Variants in TSPAN18 observed in about 807,000 individuals in gnomAD.
TSPAN18 encodes the protein tetraspanin-18.
In TSPAN18, 14 loss-of-function variants were observed where a neutral mutation model predicts 27.3. That is an observed-to-expected ratio of 0.51 (90% CI 0.34 to 0.80). The LOEUF (loss-of-function observed/expected upper bound fraction) is 0.80, where lower values mean the gene tolerates loss of function less well. Ranked by LOEUF, TSPAN18 falls within the 30% of genes least tolerant of loss-of-function variation. The pLI, the probability that TSPAN18 is intolerant of heterozygous loss-of-function variation, is 0.01. For missense variants in TSPAN18, 268 were observed against 323.9 expected (o/e 0.83, Z 1.32); for synonymous variants, 143 against 136.5 (o/e 1.05, Z -0.33).
At chr11:44,839,846 G>C (rs1446999533) in intron 2 of TSPAN18, among the ~76,000 whole-genome samples, 3 of 152,128 alleles carry the variant, frequency 2.0e-5, no homozygotes, top group Non-Finnish European at 4.4e-5. Context: ...AGCGTGACTT[G>C]TTGATTCCCC....
At chr11:44,830,628 C>G (rs958376381) in intron 2 of TSPAN18, among the ~76,000 whole-genome samples, 1 of 152,182 alleles carries the variant, frequency 6.6e-6, no homozygotes. Context: ...GCAAAGGGGG[C>G]TTAGGGCAGG....
chr11:44,926,197 G>A (rs1426227396), intron 8 of TSPAN18, among the ~76,000 whole-genome samples: 1 of 152,174 alleles, frequency 6.6e-6, no homozygotes, highest in Non-Finnish European at 1.5e-5. Context: ...ACGAGGAACA[G>A]TAGAGCGAGT....
intron 3 of TSPAN18, among the ~76,000 whole-genome samples, chr11:44,901,721 ACT>A (rs1859269105): frequency 6.6e-6 from 1 of 152,034 alleles, no homozygotes; most frequent in African/African-American, 2.4e-5. Flanking sequence ...CTTGTGCCCA[ACT>A]CTCTGCTTGA....
At chr11:44,783,552 C>G (rs1037256778) in intron 2 of TSPAN18, among the ~76,000 whole-genome samples, 1 of 152,066 alleles carries the variant, frequency 6.6e-6, no homozygotes, top group African/African-American at 2.4e-5. Flanking sequence ...ACACGTACCA[C>G]CACGCCCGGC....
chr11:44,795,568 C>T (rs188276791), intron 2 of TSPAN18, among the ~76,000 whole-genome samples: 210 of 152,232 alleles, frequency 1.4e-3, no homozygotes, highest in African/African-American at 4.7e-3. Context: ...CAGCCTGACA[C>T]ACAGGTGTGA....
intron 1 of TSPAN18, among the ~76,000 whole-genome samples, chr11:44,753,633 G>T (rs757370902): frequency 1.4e-4 from 21 of 152,204 alleles, no homozygotes; most frequent in Non-Finnish European, 2.5e-4. Flanking sequence ...GATTTGCTGA[G>T]CTGAACTGGC....
chr11:44,785,292 T>G (rs146730927), intron 2 of TSPAN18, among the ~76,000 whole-genome samples: 1 of 152,296 alleles, frequency 6.6e-6, no homozygotes, highest in Admixed American at 6.5e-5. Flanking sequence ...AGATTTTCCA[T>G]GTATTCCCTC....
intron 1 of TSPAN18, among the ~76,000 whole-genome samples, chr11:44,734,911 T>A (rs1371768292): frequency 1.3e-5 from 2 of 152,194 alleles, no homozygotes; most frequent in Non-Finnish European, 2.9e-5. Flanking sequence ...CCAGGGAACT[T>A]GCTCATTGGT....
intron 3 of TSPAN18, among the ~76,000 whole-genome samples, chr11:44,888,505 AACAGTCCCGATC>A (rs1858735360): frequency 6.6e-6 from 1 of 152,124 alleles, no homozygotes; most frequent in African/African-American, 2.4e-5. Flanking sequence ...AAGTGGGAGA[AACAGTCCCGATC>A]ACCAAAGGGT....
intron 5 of TSPAN18, among the ~76,000 whole-genome samples, chr11:44,910,755 T>C (rs1467026789): frequency 6.6e-6 from 1 of 152,146 alleles, no homozygotes; most frequent in Non-Finnish European, 1.5e-5. Context: ...TGAAGATATG[T>C]CGGGGACCAG....
intron 4 of TSPAN18, 70 bp from the exon 5 acceptor site, chr11:44,909,635 G>A (rs1298049357): frequency 6.6e-7 from 1 of 1,510,484 alleles, no homozygotes. Flanking sequence ...TCAGGGGAGT[G>A]GTGGGTCAGA....
chr11:44,905,152 T>C lies in TSPAN18; in HGVS notation c.-10-1255T>C, dbSNP rs78502463. Among the ~76,000 whole-genome samples, 734 of 152,328 alleles carry C rather than the reference T, an allele frequency of 4.8e-3. 6 individuals are homozygous for C. Among genetic ancestry groups the C allele is most frequent in the East Asian group, 0.023 (117 of 5,194 alleles). ...CACATTTTACTATTATTAATATTAATAATAAGCCTCCCAGAAACCCTTTGA... is the reference window on the plus strand; with the variant it reads ...CACATTTTACTATTATTAATATTAACAATAAGCCTCCCAGAAACCCTTTGA... On this transcript the variant is annotated intron_variant, in intron 3 of 9. Coordinates refer to ENST00000520358, the MANE Select transcript of TSPAN18 (RefSeq NM_130783.5).
chr11:44,764,948 A>G (rs1335051980), intron 2 of TSPAN18, among the ~76,000 whole-genome samples: 1 of 152,066 alleles, frequency 6.6e-6, no homozygotes, highest in Non-Finnish European at 1.5e-5. Flanking sequence ...AATCTTTTGG[A>G]CAAAGTCTAA....
intron 2 of TSPAN18, among the ~76,000 whole-genome samples, chr11:44,836,641 C>T (rs1258364759): frequency 1.3e-5 from 2 of 152,222 alleles, no homozygotes; most frequent in African/African-American, 4.8e-5. Context: ...CTAGGACTTT[C>T]ATAGCTAGAG....
At chr11:44,810,977 A>C (rs1313109520) in intron 2 of TSPAN18, among the ~76,000 whole-genome samples, 1 of 152,146 alleles carries the variant, frequency 6.6e-6, no homozygotes, top group African/African-American at 2.4e-5. Flanking sequence ...AGCATGTTAC[A>C]CTGTCATTTC....
intron 3 of TSPAN18, among the ~76,000 whole-genome samples, chr11:44,870,254 C>T (rs1309422796): frequency 1.3e-5 from 2 of 152,122 alleles, no homozygotes; most frequent in Non-Finnish European, 2.9e-5. Flanking sequence ...AGTCCCTGTT[C>T]CCACCCCAGC....
chr11:44,880,316 C>A (rs989456805), intron 3 of TSPAN18, among the ~76,000 whole-genome samples: 15 of 152,228 alleles, frequency 9.9e-5, no homozygotes, highest in Non-Finnish European at 1.0e-4. Flanking sequence ...GGGCTGGAAG[C>A]TGTGCCAGTT....
At chr11:44,797,018 AG>A (rs1227805847) in intron 2 of TSPAN18, among the ~76,000 whole-genome samples, 12 of 152,174 alleles carry the variant, frequency 7.9e-5, no homozygotes, top group Admixed American at 3.9e-4. Context: ...CAGGTATTAC[AG>A]GACCTGAAAT....
At chr11:44,727,924 G>C (rs1854556110) in intron 1 of TSPAN18, among the ~76,000 whole-genome samples, 1 of 152,178 alleles carries the variant, frequency 6.6e-6, no homozygotes, top group Non-Finnish European at 1.5e-5. Flanking sequence ...GATTTAGGGG[G>C]CAGTGGGAGC....
Sources: allele counts gnomAD v4.1 joint callset (sites outside exome capture counted in the v4.1 genomes callset), GRCh38; gene constraint gnomAD v4.1.1; transcripts MANE v1.5; gene names NCBI Gene and HGNC (gene_info 2026-07-23, HGNC 2026-07-21).